The following KSR1 variants were observed in gnomAD, a reference collection of about 807,000 sequenced individuals.
KSR1 encodes kinase suppressor of ras.
Under a neutral mutation model 92.9 loss-of-function variants are expected in KSR1, and 35 were observed. That is an observed-to-expected ratio of 0.38 (90% CI 0.29 to 0.50). KSR1 has a LOEUF of 0.50. Ranked by LOEUF, KSR1 falls within the 20% of genes least tolerant of loss-of-function variation. KSR1 has a pLI of 0.94. For synonymous variants in KSR1, 467 were observed against 472.6 expected, an observed-to-expected ratio of 0.99 and a Z score of 0.15; for missense variants, 972 against 1,158.5, an observed-to-expected ratio of 0.84 and a Z score of 2.34.
At chr17:27,599,740 T>A (rs2073479347) in intron 10 of KSR1, among the ~76,000 whole-genome samples, 1 of 152,238 alleles carries the variant, frequency 6.6e-6, no homozygotes. Flanking sequence ...ATTATAATCT[T>A]TAAACATTTT....
chr17:27,588,734 C>T (rs1482860620), intron 6 of KSR1, among the ~76,000 whole-genome samples, 199 bp downstream of exon 6: 1 of 152,216 alleles, frequency 6.6e-6, no homozygotes, highest in Non-Finnish European at 1.5e-5. Context: ...GCTCCCTCAT[C>T]TGCACCTCCT....
intron 1 of KSR1, among the ~76,000 whole-genome samples, chr17:27,473,437 G>A (rs553566901): frequency 1.3e-5 from 2 of 152,342 alleles, no homozygotes; most frequent in South Asian, 2.1e-4. Context: ...GGATTAACAG[G>A]TGGCCATTCG....
intron 1 of KSR1, among the ~76,000 whole-genome samples, chr17:27,468,919 C>G (rs2019837798): frequency 6.6e-6 from 1 of 152,234 alleles, no homozygotes; most frequent in South Asian, 2.1e-4. Flanking sequence ...CGGAATCCCA[C>G]TGTGCACATC....
In KSR1 at chr17:27,626,022, A is replaced by C. The variant is rs1384955245; in HGVS notation, c.*2630A>C. ...TCACCAAATCAAAACACCCTCTGTC[A>C]TCCTACGGCATTTCCTCTTGAGGTC... On this transcript the variant is annotated 3_prime_UTR_variant, in exon 21 of 21. Coordinates refer to ENST00000644974, the MANE Select transcript of KSR1 (RefSeq NM_001394583.1). 1 of 152,242 alleles carries C rather than the reference A, an allele frequency of 6.6e-6. No individual in the cohort carries two copies. Among genetic ancestry groups the C allele is most frequent in the Non-Finnish European group, 1.5e-5 (1 of 68,054 alleles). 9.4% of individuals were successfully genotyped at this position (152,242 alleles called of 1,614,324 possible). A position where few individuals can be genotyped will look rare whatever the true frequency, so the allele number is the denominator to read the frequency against.
In KSR1 at chr17:27,577,400, C is replaced by T. The variant is rs960818601; in HGVS notation, c.373-92C>T. On this transcript the variant is annotated intron_variant, in intron 2 of 20. Coordinates refer to ENST00000644974, the MANE Select transcript of KSR1 (RefSeq NM_001394583.1). The surrounding 1 kb of genome is among the most constrained non-coding windows in gnomAD (Gnocchi z 4.5). ...GGCCGGCCCAGCCAGCAGCTGGCCC[C>T]TGCCACTCAGCAGGAGGCCAGCCTG... The T allele has an allele frequency of 5.2e-6, 4 of 768,164 alleles. No homozygotes were observed. The African/African-American group carries it at 5.3e-5, about 10-fold the overall frequency. 47.6% of individuals were successfully genotyped at this position (768,164 alleles called of 1,614,324 possible). A position where few individuals can be genotyped will look rare whatever the true frequency, so the allele number is the denominator to read the frequency against.
chr17:27,520,585 A>C (rs988977647), intron 1 of KSR1, among the ~76,000 whole-genome samples: 2 of 152,260 alleles, frequency 1.3e-5, no homozygotes, highest in African/African-American at 2.4e-5. Context: ...CCAGCCCTGA[A>C]GTCTCCTTGT....
chr17:27,601,185 C>T (rs2073543734), intron 10 of KSR1, 175 bp from the exon 11 acceptor site: 1 of 598,684 alleles, frequency 1.7e-6, no homozygotes, highest in Admixed American at 3.2e-5. Context: ...CATTTTCTCC[C>T]AGCTCTTTTC....
intron 17 of KSR1, chr17:27,611,283 C>A (rs987669691): frequency 2.0e-5 from 12 of 589,432 alleles, no homozygotes; most frequent in Non-Finnish European, 3.6e-5. Context: ...TGCGCTGTCT[C>A]AGACTTCCCA....
chr17:27,615,508 T>C (rs1456335679), intron 18 of KSR1, among the ~76,000 whole-genome samples: 1 of 152,246 alleles, frequency 6.6e-6, no homozygotes, highest in Non-Finnish European at 1.5e-5. Flanking sequence ...TTTTCCTTCT[T>C]GCCTTTTCTT....
chr17:27,460,080 C>T (rs867157656), intron 1 of KSR1, among the ~76,000 whole-genome samples: 2 of 152,096 alleles, frequency 1.3e-5, no homozygotes, highest in African/African-American at 2.4e-5. Context: ...AGTTGTGAGG[C>T]TACTTCATCC....
intron 1 of KSR1, among the ~76,000 whole-genome samples, chr17:27,535,246 G>C (rs1433562578): frequency 6.6e-6 from 1 of 152,228 alleles, no homozygotes; most frequent in Non-Finnish European, 1.5e-5. Flanking sequence ...TTGGTTTGCA[G>C]TGAGGATCAG....
At chr17:27,530,491 A>G (rs1375052014) in intron 1 of KSR1, among the ~76,000 whole-genome samples, 1 of 151,982 alleles carries the variant, frequency 6.6e-6, no homozygotes, top group East Asian at 1.9e-4. Flanking sequence ...TAACCAGCAA[A>G]GCCGACCTTA....
chr17:27,517,314 CTT>C (rs1403267392), intron 1 of KSR1, among the ~76,000 whole-genome samples: 2 of 152,136 alleles, frequency 1.3e-5, no homozygotes, highest in Non-Finnish European at 2.9e-5. Flanking sequence ...TTTAATAACT[CTT>C]TTTCTTTTTA....
chr17:27,464,987 C>T, intron 1 of KSR1: 1 of 151,850 alleles, frequency 6.6e-6, no homozygotes. Context: ...ATACCCACCA[C>T]CACAGATAGG....
intron 1 of KSR1, among the ~76,000 whole-genome samples, chr17:27,472,813 TA>T (rs892351037): frequency 4.8e-5 from 7 of 147,184 alleles, no homozygotes; most frequent in East Asian, 2.0e-4. Flanking sequence ...AAAATGAAAA[TA>T]AAAAAAAAAT....
In KSR1 at chr17:27,485,003, A is replaced by G. The variant is rs540543633; in HGVS notation, c.231+28129A>G. Among the ~76,000 whole-genome samples the G allele has an allele frequency of 2.6e-5, 4 of 152,326 alleles. No homozygotes were observed. The South Asian group carries it at 8.3e-4, about 32-fold the overall frequency. On this transcript the variant is annotated intron_variant, in intron 1 of 20. Coordinates refer to ENST00000644974, the MANE Select transcript of KSR1 (RefSeq NM_001394583.1). ...TCCCCACTTTTACAGGTGAGGAGAC[A>G]TCCCAGAGAGGTTAAGACAGTTTCC...
In KSR1 at chr17:27,596,740, C is replaced by T. The variant is rs530105312; in HGVS notation, c.1300-528C>T. 3.3e-5 allele frequency among the ~76,000 whole-genome samples: 5 copies of T among 152,228 alleles called. No homozygotes were observed. In the South Asian group the frequency reaches 1.0e-3, roughly 32 times the overall value. On this transcript the variant is annotated intron_variant, in intron 9 of 20. Coordinates refer to ENST00000644974, the MANE Select transcript of KSR1 (RefSeq NM_001394583.1). Reference sequence around the variant, plus strand: ...CACCTCTCGCTTATCATTGGTCTCCCTACTTCTGGCAGAGTGCCTGGTGCC... The same window carrying T: ...CACCTCTCGCTTATCATTGGTCTCCTTACTTCTGGCAGAGTGCCTGGTGCC...
chr17:27,585,705 T>C (rs1022778363), intron 5 of KSR1, 44 bp downstream of exon 5: 3 of 749,058 alleles, frequency 4.0e-6, no homozygotes, highest in Non-Finnish European at 7.5e-6. Context: ...CTGGGAGTCG[T>C]GTGTGCGTTG....
At chr17:27,566,768 A>G (rs554631780) in intron 2 of KSR1, among the ~76,000 whole-genome samples, 54 of 152,262 alleles carry the variant, frequency 3.5e-4, no homozygotes, top group Non-Finnish European at 7.1e-4. Flanking sequence ...GGGATCAGTT[A>G]GAATCTTCCT....
Sources: allele counts gnomAD v4.1 joint callset (sites outside exome capture counted in the v4.1 genomes callset), GRCh38; gene constraint gnomAD v4.1.1; non-coding constraint Gnocchi (gnomAD v3.1); transcripts MANE v1.5; gene names NCBI Gene and HGNC (gene_info 2026-07-23, HGNC 2026-07-21).